Variants in ESRRG observed in about 807,000 individuals in gnomAD.
ESRRG encodes the protein estrogen related receptor gamma, also known as estrogen-related receptor gamma.
A neutral mutation model predicts 44.0 loss-of-function variants in ESRRG; 13 were observed. The observed-to-expected ratio is 0.30, with a 90% confidence interval of 0.19 to 0.47. ESRRG has a LOEUF of 0.47. ESRRG is among the 20% of genes least tolerant of loss of function. The probability of loss-of-function intolerance (pLI) is 1.00; values close to 1 mark genes in which losing one functional copy is unlikely to be tolerated. For missense variants in ESRRG, 395 were observed against 580.6 expected, an observed-to-expected ratio of 0.68 and a Z score of 3.29; for synonymous variants, 215 against 214.6, an observed-to-expected ratio of 1.00 and a Z score of -0.02.
intron 2 of ESRRG, among the ~76,000 whole-genome samples, chr1:216,738,715 C>T (rs761840912): frequency 2.0e-5 from 3 of 152,084 alleles, no homozygotes; most frequent in Non-Finnish European, 4.4e-5. Flanking sequence ...GATGAAGCAG[C>T]GTGCACTTAT....
At chr1:216,927,757 G>A (rs1050833102) in intron 2 of ESRRG, among the ~76,000 whole-genome samples, 8 of 152,134 alleles carry the variant, frequency 5.3e-5, no homozygotes, top group Admixed American at 3.9e-4. Flanking sequence ...CTGGCACCGC[G>A]GGACGGGGCT....
At position 217,106,662 on chromosome 1, in the gene ESRRG, C is replaced by T. The variant is rs145565942; in HGVS notation, c.-230+31005G>A. Among the ~76,000 whole-genome samples the T allele has an allele frequency of 6.6e-5, 10 of 152,286 alleles. No homozygotes were observed. In the East Asian group the frequency reaches 1.9e-3, roughly 29 times the overall value. ...TTCTTCCCTATCCTGTTACAAGCTG[C>T]TTGACCAACCTGAAGTTCTGCTGAC... On this transcript the variant is annotated intron_variant, in intron 1 of 8. Transcript: ENST00000366940.
intron 1 of ESRRG, among the ~76,000 whole-genome samples, chr1:217,022,800 C>T (rs1268783690): frequency 6.6e-6 from 1 of 151,820 alleles, no homozygotes; most frequent in African/African-American, 2.4e-5. Flanking sequence ...GGCACTCAAG[C>T]TGTATGTGCT....
intron 1 of ESRRG, among the ~76,000 whole-genome samples, chr1:217,048,525 T>C (rs1174085701): frequency 6.6e-6 from 1 of 152,094 alleles, no homozygotes; most frequent in Non-Finnish European, 1.5e-5. Context: ...AGGGCAGCAG[T>C]GAGGACCCAG....
intron 2 of ESRRG, among the ~76,000 whole-genome samples, chr1:216,755,346 C>A (rs1382429147): frequency 6.6e-6 from 1 of 151,844 alleles, no homozygotes; most frequent in Non-Finnish European, 1.5e-5. Flanking sequence ...CTTCATTCCA[C>A]CTAGACCAGG....
At chr1:216,807,432 CTA>C (rs1416183214) in intron 2 of ESRRG, among the ~76,000 whole-genome samples, 1 of 152,014 alleles carries the variant, frequency 6.6e-6, no homozygotes, top group Non-Finnish European at 1.5e-5. Context: ...AATTTACAAA[CTA>C]GACTTTCTGT....
In ESRRG at chr1:216,959,928, A is replaced by T. The variant is rs2150161857; in HGVS notation, c.-105-20255T>A. Among the ~76,000 whole-genome samples the T allele has an allele frequency of 5.9e-5, 9 of 152,286 alleles. 2 individuals carry two copies. In the South Asian group the frequency reaches 1.9e-3, roughly 32 times the overall value. ...TGAGAAACTGTTAAACCTCACAAGA[A>T]TTCCAGGAGGAACTATTCCCACTTT... On this transcript the variant is annotated intron_variant, in intron 1 of 7. Coordinates refer to the ESRRG transcript ENST00000359162.
chr1:216,537,419 G>A (rs2051316136), intron 5 of ESRRG, among the ~76,000 whole-genome samples: 1 of 151,976 alleles, frequency 6.6e-6, no homozygotes, highest in East Asian at 1.9e-4. Context: ...CAGCCCAAAC[G>A]GACTAGAACA....
chr1:216,540,300 C>T lies in ESRRG; in HGVS notation c.863-20879G>A, dbSNP rs114656890. Among the ~76,000 whole-genome samples, 878 of 152,056 alleles carry T rather than the reference C, an allele frequency of 5.8e-3. 10 individuals carry two copies. The highest frequency in any genetic ancestry group is 0.024 in the Middle Eastern group (7 of 294). On this transcript the variant is annotated intron_variant, in intron 5 of 6. Transcript: ENST00000408911. Reference sequence around the variant, plus strand: ...CTATGCAGAAAAAGATTCTATAGATCATGTGGCACACATATTTTTCATTTA... The same window carrying T: ...CTATGCAGAAAAAGATTCTATAGATTATGTGGCACACATATTTTTCATTTA...
chr1:216,864,390 G>A (rs2096111804), intron 2 of ESRRG: 1 of 150,896 alleles, frequency 6.6e-6, no homozygotes, highest in Non-Finnish European at 1.5e-5. Context: ...ACCTATTGAG[G>A]AGGTCAATGC....
chr1:216,881,246 A>G (rs1325679246), intron 2 of ESRRG, among the ~76,000 whole-genome samples: 2 of 152,212 alleles, frequency 1.3e-5, no homozygotes, highest in Admixed American at 1.3e-4. Context: ...CTCCAGATGT[A>G]TAAAGACTAC....
intron 2 of ESRRG, among the ~76,000 whole-genome samples, chr1:216,933,391 C>T (rs76211170): frequency 0.017 from 2,599 of 152,002 alleles, 65 homozygotes; most frequent in African/African-American, 0.059. Context: ...CCTCTATTCC[C>T]ACCCCATGCT....
rs1426212846 is a variant in ESRRG, at chr1:216,503,449, T to C, written c.*3490A>G. 2.0e-5 allele frequency: 3 copies of C among 152,562 alleles called. No individual in the cohort carries two copies. The highest frequency in any genetic ancestry group is 4.8e-5 in the African/African-American group (2 of 41,438). The allele number at this position is 152,562 out of a possible 1,614,324, so 9.5% of individuals were successfully genotyped here. On this transcript the variant is annotated 3_prime_UTR_variant, in exon 7 of 7. Coordinates refer to ENST00000408911, the MANE Select transcript of ESRRG (RefSeq NM_001438.4). ...CAGTATGGTACACATCACAAAAATA[T>C]ACAATTGATTGCTTTACAGATGTGA...
chr1:216,820,922 G>A (rs973272609), intron 2 of ESRRG, among the ~76,000 whole-genome samples: 1 of 152,026 alleles, frequency 6.6e-6, no homozygotes, highest in Non-Finnish European at 1.5e-5. Context: ...CCTCTTTATG[G>A]TTGCACGAAC....
At position 217,060,818 on chromosome 1, in the gene ESRRG, A is replaced by AGACAGATAGATAGATAGATAGATAGAT. The variant is rs1558152576; in HGVS notation, c.-106+28688_-106+28689insATCTATCTATCTATCTATCTATCTGTC. ...TAGATAGATAGATAGATAGATAGAT[A>AGACAGATAGATAGATAGATAGATAGAT]GATAGATAGATAGAAAAAAGGGAAT... On this transcript the variant is annotated intron_variant, in intron 1 of 7. Transcript: ENST00000359162. Among the ~76,000 whole-genome samples the AGACAGATAGATAGATAGATAGATAGAT allele has an allele frequency of 8.8e-4, 132 of 150,134 alleles. 1 individual carries two copies. The highest frequency in any genetic ancestry group is 6.8e-4 in the Non-Finnish European group (46 of 67,622).
chr1:217,034,666 CAA>C (rs2082574030), intron 1 of ESRRG, among the ~76,000 whole-genome samples: 1 of 152,158 alleles, frequency 6.6e-6, no homozygotes. Flanking sequence ...TACAGATAAG[CAA>C]AGATAGGAGC....
chr1:216,581,285 T>C (rs1337875651), intron 3 of ESRRG, among the ~76,000 whole-genome samples: 1 of 152,208 alleles, frequency 6.6e-6, no homozygotes, highest in Non-Finnish European at 1.5e-5. Context: ...AGTCACCCTT[T>C]TGGCAGAAAT....
intron 2 of ESRRG, among the ~76,000 whole-genome samples, chr1:216,663,215 G>A (rs944546586): frequency 1.3e-5 from 2 of 152,110 alleles, no homozygotes; most frequent in Admixed American, 1.3e-4. Context: ...AAAAGCAGGA[G>A]GTACTTTGGA....
intron 1 of ESRRG, among the ~76,000 whole-genome samples, chr1:217,127,238 C>T (rs2102521674): frequency 6.6e-6 from 1 of 152,276 alleles, no homozygotes; most frequent in South Asian, 2.1e-4. Context: ...CCACAATGTT[C>T]ATTTTCTATG....
Sources: gnomAD v4.1 joint callset for allele counts (sites outside exome capture counted in the v4.1 genomes callset) on GRCh38, gnomAD v4.1.1 for gene constraint, MANE v1.5 for transcripts, NCBI Gene and HGNC (gene_info 2026-07-23, HGNC 2026-07-21) for gene names.